XDH: variants seen among roughly 807,000 people sequenced by gnomAD.
XDH encodes xanthine dehydrogenase/oxidase.
XDH carries 138 observed loss-of-function variants against 156.1 expected under a neutral mutation model. The ratio of observed to expected loss-of-function variants is 0.88; its 90% CI spans 0.77 to 1.02. The LOEUF is 1.02. Among genes scored for constraint, XDH ranks in the 50% least tolerant of loss-of-function variants. The pLI is 0.00. For missense variants in XDH, 1,849 were observed against 1,684.9 expected (o/e 1.10, Z -1.71); for synonymous variants, 669 against 625.7 (o/e 1.07, Z -1.03).
At chr2:31,384,059 C>G (rs1399912334) in intron 9 of XDH, 1 of 571,608 alleles carries the variant, frequency 1.7e-6, no homozygotes, top group Non-Finnish European at 3.1e-6. Flanking sequence ...AAAACTAGGT[C>G]TTTCTTTCCC....
intron 34 of XDH, 143 bp downstream of exon 34, chr2:31,339,346 C>G (rs556380607): frequency 9.5e-6 from 11 of 1,154,204 alleles, no homozygotes; most frequent in Non-Finnish European, 1.4e-5. Context: ...CTGCCCCTAC[C>G]AAGGTCAGTG....
At chr2:31,348,858 C>A in intron 27 of XDH, 41 bp downstream of exon 27, 1 of 1,554,134 alleles carries the variant, frequency 6.4e-7, no homozygotes, top group Non-Finnish European at 8.9e-7. Flanking sequence ...AAATGGGGTC[C>A]CAGTCCAGCG....
Position 31,350,201 on chromosome 2 carries a change from T to C in XDH, c.2654A>G (p.His885Arg), listed in dbSNP as rs749555416. 44 of 1,613,952 alleles carry C rather than the reference T, an allele frequency of 2.7e-5. No homozygotes were observed. Among genetic ancestry groups the C allele is most frequent in the Non-Finnish European group, 3.7e-5 (44 of 1,180,020 alleles). The change falls in exon 25 of 36, where the codon CAC (histidine) becomes CGC (arginine). Residue 885 changes from histidine to arginine, a missense_variant. His to Arg is a conservative substitution (Grantham distance 29, BLOSUM62 0). Coordinates refer to ENST00000379416, the MANE Select transcript of XDH (RefSeq NM_000379.4). ...SQSIMERALF[H>R]MDNCYKIPNI... is the part of the protein sequence containing the mutation. ...GGGGATTTTATAGCAGTTGTCCATG[T>C]GGAATAAAGCTCGTTCCATAATCTG...
intron 2 of XDH, 91 bp downstream of exon 2, chr2:31,405,815 AC>A: frequency 6.8e-7 from 1 of 1,479,246 alleles, no homozygotes; most frequent in Non-Finnish European, 9.5e-7. Context: ...CCTCAAGGCC[AC>A]CCCACCAGTC....
In XDH at chr2:31,370,467, GTA is replaced by G; in HGVS notation, c.1866_1867del (p.Thr623IlefsTer4). The G allele has an allele frequency of 2.5e-6, 4 of 1,614,150 alleles. No homozygotes were observed. The highest frequency in any genetic ancestry group is 3.4e-6 in the Non-Finnish European group (4 of 1,179,996). On this transcript the variant is annotated frameshift_variant, in exon 18 of 36. Coordinates refer to ENST00000379416, the MANE Select transcript of XDH (RefSeq NM_000379.4). LOFTEE classifies it high-confidence loss of function. Reference sequence around the variant, plus strand: ...CCCTGGAACCTTCTTAGCTTCTGATGTATCTATGGACCTGCAAGAATGAGTGG... The same window carrying G: ...CCCTGGAACCTTCTTAGCTTCTGATGTCTATGGACCTGCAAGAATGAGTGG...
chr2:31,368,773 C>T, intron 18 of XDH, 113 bp from the exon 19 acceptor site: 1 of 1,589,728 alleles, frequency 6.3e-7, no homozygotes, highest in Non-Finnish European at 8.6e-7. Flanking sequence ...TCAAAGCACA[C>T]TTTAGGAATG....
chr2:31,349,711 T>G lies in XDH; in HGVS notation c.2944A>C (p.Lys982Gln). 6.2e-7 allele frequency: 1 copy of G among 1,614,190 alleles called. No individual in the cohort carries two copies. The highest frequency in any genetic ancestry group is 8.5e-7 in the Non-Finnish European group (1 of 1,180,036). The change falls in exon 26 of 36, where the codon AAG becomes CAG. Residue 982 changes from lysine (K) to glutamine (Q), a missense_variant. Transcript: ENST00000379416. ...TTGTTGAACTTGTCAACCTCACTCT[T>G]CCGAGCATGATACTGAGAGCTTGCT... ...CLASSQYHAR[K>Q]SEVDKFNKEN...
Position 31,342,170 on chromosome 2 carries a change from G to A in XDH, c.3519+13C>T. 6.2e-7 allele frequency: 1 copy of A among 1,609,576 alleles called. No homozygotes were observed. Among genetic ancestry groups the A allele is most frequent in the Non-Finnish European group, 8.5e-7 (1 of 1,176,180 alleles). On this transcript the variant is annotated intron_variant, in intron 32 of 35. Transcript: ENST00000379416. ...CTTTCCCACTAAGTACTAAAGTTTTGCAAACTTCTTACCTTATGATCTCCT... is the reference window on the plus strand; with the variant it reads ...CTTTCCCACTAAGTACTAAAGTTTTACAAACTTCTTACCTTATGATCTCCT...
At chr2:31,360,442 A>G (rs1457271029) in intron 24 of XDH, among the ~76,000 whole-genome samples, 6 of 152,212 alleles carry the variant, frequency 3.9e-5, no homozygotes, top group African/African-American at 1.4e-4. Context: ...CGGAGGTTGC[A>G]GTGAGCCAAG....
intron 17 of XDH, among the ~76,000 whole-genome samples, chr2:31,371,201 G>C (rs149246178): frequency 6.6e-6 from 1 of 151,976 alleles, no homozygotes; most frequent in Non-Finnish European, 1.5e-5. Context: ...ACTGGCACAT[G>C]CCCCCATGGG....
Position 31,366,883 on chromosome 2 carries a change from G to C in XDH, c.2309C>G (p.Thr770Ser). The C allele has an allele frequency of 4.3e-6, 7 of 1,614,178 alleles. No individual in the cohort carries two copies. Among genetic ancestry groups the C allele is most frequent in the Non-Finnish European group, 5.9e-6 (7 of 1,180,034 alleles). ...AAAGGCATCTACCTGGGTCTTCATG[G>C]TGTTCTGTGTAGACACAAAGAGCTC... ...EMELFVSTQN[T>S]MKTQSFVAKM... The change falls in exon 21 of 36, where the codon ACC (threonine) becomes AGC (serine). Residue 770 changes from threonine to serine, a missense_variant. By Grantham distance (58) the Thr-to-Ser change is moderately conservative. Transcript: ENST00000379416.
Position 31,346,835 on chromosome 2 carries a change from A to T in XDH, c.3285T>A (p.Cys1095Ter). 1 of 1,613,986 alleles carries T rather than the reference A, an allele frequency of 6.2e-7. No homozygotes were observed. Among genetic ancestry groups the T allele is most frequent in the South Asian group, 1.1e-5 (1 of 91,072 alleles). Residue 1095 changes from cysteine to a stop codon, truncating the protein, a stop_gained, in exon 30 of 36, where the codon TGT (cysteine) becomes TGA (stop). Coordinates refer to ENST00000379416, the MANE Select transcript of XDH (RefSeq NM_000379.4). LOFTEE classifies it high-confidence loss of function. ...GTTCCAGCCTTTTCAAGATGGTCTG[A>T]CAAGCCGCCTAAAGTAAACACCCCC... ...DLNGQAVYAA[C>*]QTILKRLEPY...
At chr2:31,343,512 ATATAAAGCATACATATATG>A (rs1204606740) in intron 31 of XDH, among the ~76,000 whole-genome samples, 2 of 144,156 alleles carry the variant, frequency 1.4e-5, no homozygotes. Flanking sequence ...ATATATATGT[ATATAAAGCATACATATATG>A]TATAAGGCAT....
intron 10 of XDH, 22 bp from the exon 11 acceptor site, chr2:31,383,174 C>G: frequency 6.2e-7 from 1 of 1,614,144 alleles, no homozygotes; most frequent in Non-Finnish European, 8.5e-7. Context: ...CGTTCGGAAT[C>G]ACAGCAATTC....
chr2:31,350,366 ATCTTTTTT>A, intron 24 of XDH, 143 bp from the exon 25 acceptor site: 1 of 445,740 alleles, frequency 2.2e-6, no homozygotes, highest in African/African-American at 2.9e-5. Flanking sequence ...TTGCAGCAGC[ATCTTTTTT>A]TTTTTTTTTT....
chr2:31,364,408 C>G (rs887317824), intron 23 of XDH, among the ~76,000 whole-genome samples, 164 bp from the exon 24 acceptor site: 5 of 152,062 alleles, frequency 3.3e-5, no homozygotes, highest in African/African-American at 1.2e-4. Flanking sequence ...CAGAAGGTAA[C>G]AAGTGAAGAA....
At chr2:31,360,197 A>G (rs1255321070) in intron 24 of XDH, among the ~76,000 whole-genome samples, 2 of 152,218 alleles carry the variant, frequency 1.3e-5, no homozygotes, top group African/African-American at 4.8e-5. Flanking sequence ...TAAACAATTT[A>G]TGTTTTAAAT....
At chr2:31,395,501 C>T (rs1340295613) in intron 6 of XDH, among the ~76,000 whole-genome samples, 1 of 152,102 alleles carries the variant, frequency 6.6e-6, no homozygotes, top group African/African-American at 2.4e-5. Flanking sequence ...TTCATTTTTC[C>T]CACTCCCTAC....
At chr2:31,404,728 T>C (rs1687150461) in intron 2 of XDH, among the ~76,000 whole-genome samples, 1 of 152,086 alleles carries the variant, frequency 6.6e-6, no homozygotes, top group African/African-American at 2.4e-5. Context: ...TGATCCGATC[T>C]AGTGACACTT....
Sources: allele counts gnomAD v4.1 joint callset (sites outside exome capture counted in the v4.1 genomes callset), GRCh38; gene constraint gnomAD v4.1.1; transcripts MANE v1.5; gene names NCBI Gene and HGNC (gene_info 2026-07-23, HGNC 2026-07-21).